The following DMD variants were observed in gnomAD, a reference collection of about 807,000 sequenced individuals.
The protein encoded by DMD is dystrophin.
DMD carries 63 observed loss-of-function variants against 330.1 expected under a neutral mutation model. That is an observed-to-expected ratio of 0.19 (90% CI 0.16 to 0.24). The LOEUF (loss-of-function observed/expected upper bound fraction) is 0.24, where lower values mean the gene tolerates loss of function less well. Ranked by LOEUF, DMD falls within the 10% of genes least tolerant of loss-of-function variation. DMD has a pLI of 1.00. For synonymous variants in DMD, 1,223 were observed against 959.8 expected (o/e 1.27, Z -5.07); for missense variants, 3,344 against 2,684.1 (o/e 1.25, Z -5.43).
intron 41 of DMD, among the ~76,000 whole-genome samples, chrX:32,340,390 A>C (rs1018284393): frequency 1.8e-5 from 2 of 111,769 alleles, no homozygotes; most frequent in Admixed American, 1.9e-4. Context: ...TTTTTTAAAA[A>C]TATATACTGG....
At chrX:31,323,535 C>T (rs1310754716) in intron 62 of DMD, 63 bp downstream of exon 62, 8 of 968,914 alleles carry the variant, frequency 8.3e-6, no homozygotes, top group African/African-American at 1.9e-5. Flanking sequence ...AATAAACTCA[C>T]TTGTGAATAT....
At chrX:31,928,815 T>C (rs2094816067) in intron 47 of DMD, among the ~76,000 whole-genome samples, 1 of 111,756 alleles carries the variant, frequency 8.9e-6, no homozygotes, top group Non-Finnish European at 1.9e-5. Context: ...GGTAGGATTG[T>C]TTTAAAAAAA....
intron 44 of DMD, among the ~76,000 whole-genome samples, chrX:32,107,370 GTGTC>G (rs1396790263): frequency 0.019 from 1,731 of 90,946 alleles, 37 homozygotes; most frequent in African/African-American, 0.074. Context: ...GTGTGTGTGT[GTGTC>G]TCTGTGTGTG....
chrX:31,509,069 A>G (rs999063574), intron 55 of DMD, among the ~76,000 whole-genome samples: 1 of 111,246 alleles, frequency 9.0e-6, no homozygotes, highest in Non-Finnish European at 1.9e-5. Flanking sequence ...GAATCACATC[A>G]GAAGTTGAAA....
Position 32,731,153 on chromosome X carries a change from C to A in DMD, c.650-31860G>T, listed in dbSNP as rs371333299. 8.0e-5 allele frequency among the ~76,000 whole-genome samples: 9 copies of A among 112,219 alleles called. No individual in the cohort carries two copies. The East Asian group carries it at 2.6e-3, about 32-fold the overall frequency. ...CCTAGTCAAAGAAAGGGGTGACGGA[C>A]AGCACCTGGAAAATCGGGTCACACC... On this transcript the variant is annotated intron_variant, in intron 7 of 78. Coordinates refer to ENST00000357033, the MANE Select transcript of DMD (RefSeq NM_004006.3).
At chrX:32,595,996 T>TA in intron 12 of DMD, 120 bp from the exon 13 acceptor site, 1 of 668,439 alleles carries the variant, frequency 1.5e-6, no homozygotes, top group Non-Finnish European at 2.3e-6. Context: ...CATTTTTTAT[T>TA]AACCTAAAAC....
At chrX:31,732,383 A>G (rs1302373397) in intron 51 of DMD, among the ~76,000 whole-genome samples, 1 of 111,355 alleles carries the variant, frequency 9.0e-6, no homozygotes, top group Non-Finnish European at 1.9e-5. Flanking sequence ...CTAGAAATAA[A>G]GAGAGGGATT....
At chrX:31,407,603 C>G (rs1163636263) in intron 60 of DMD, among the ~76,000 whole-genome samples, 1 of 106,879 alleles carries the variant, frequency 9.4e-6, no homozygotes, top group African/African-American at 3.4e-5. Flanking sequence ...TCCCGAGTAG[C>G]TGGGACTACA....
intron 1 of DMD, among the ~76,000 whole-genome samples, chrX:33,073,772 C>T (rs1482957678): frequency 9.1e-6 from 1 of 109,494 alleles, no homozygotes; most frequent in African/African-American, 3.3e-5. Flanking sequence ...GCGGAGGTTG[C>T]AGTGAGCCGA....
At chrX:32,042,200 C>CACACACACAT (rs2096015796) in intron 44 of DMD, among the ~76,000 whole-genome samples, 2 of 103,406 alleles carry the variant, frequency 1.9e-5, no homozygotes, top group African/African-American at 7.1e-5. Flanking sequence ...TACACACACA[C>CACACACACAT]ACACATACAC....
At chrX:31,638,150 A>G (rs1407471126) in intron 54 of DMD, among the ~76,000 whole-genome samples, 2 of 112,058 alleles carry the variant, frequency 1.8e-5, no homozygotes, top group Non-Finnish European at 3.8e-5. Flanking sequence ...AAAGAAATAG[A>G]CAGCATACAA....
rs370830662 is a variant in DMD, at chrX:32,415,403, T to C, written c.4072-3490A>G. Among the ~76,000 whole-genome samples the C allele has an allele frequency of 1.4e-3, 157 of 111,736 alleles. 1 individual carries two copies. Among genetic ancestry groups the C allele is most frequent in the East Asian group, 7.9e-3 (28 of 3,542 alleles). On this transcript the variant is annotated intron_variant, in intron 29 of 78. Transcript: ENST00000357033. ...ACAGATTCCTTGATTATCTCAGTCA[T>C]TGAAAAGACCTCATGTCAATGCAAG...
intron 44 of DMD, among the ~76,000 whole-genome samples, chrX:31,992,059 A>T (rs112514585): frequency 0.045 from 5,035 of 111,611 alleles, 296 homozygotes; most frequent in African/African-American, 0.15. Flanking sequence ...GGAGAGTGAG[A>T]ACAGCAGGGG....
intron 59 of DMD, among the ~76,000 whole-genome samples, chrX:31,472,084 C>G (rs1482807918): frequency 8.9e-6 from 1 of 112,411 alleles, no homozygotes; most frequent in Non-Finnish European, 1.9e-5. Flanking sequence ...ATTTTTACAA[C>G]AACAACAATG....
intron 18 of DMD, among the ~76,000 whole-genome samples, chrX:32,504,517 C>T (rs1031963128): frequency 3.1e-4 from 34 of 109,885 alleles, no homozygotes; most frequent in Non-Finnish European, 3.4e-4. Context: ...ATCCCAGCTA[C>T]TCTGGAGGCT....
chrX:33,058,323 G>A (rs1318570698), intron 1 of DMD, among the ~76,000 whole-genome samples: 1 of 110,928 alleles, frequency 9.0e-6, no homozygotes, highest in Non-Finnish European at 1.9e-5. Flanking sequence ...GTCTGACTCT[G>A]TCCCAGGCAG....
chrX:32,587,846 A>AT (rs1446211953), intron 13 of DMD, among the ~76,000 whole-genome samples: 2 of 111,737 alleles, frequency 1.8e-5, no homozygotes, highest in Non-Finnish European at 3.8e-5. Flanking sequence ...TATTTCAGTG[A>AT]TTTTTAAATG....
At chrX:31,502,717 C>T (rs1286239000) in intron 56 of DMD, among the ~76,000 whole-genome samples, 1 of 111,223 alleles carries the variant, frequency 9.0e-6, no homozygotes, top group Non-Finnish European at 1.9e-5. Context: ...ATACAATGAT[C>T]TGGAAAAATA....
At chrX:32,632,264 T>A (rs12009624) in intron 11 of DMD, among the ~76,000 whole-genome samples, 1 of 111,337 alleles carries the variant, frequency 9.0e-6, no homozygotes, top group African/African-American at 3.3e-5. Flanking sequence ...GGGAGTGGTG[T>A]GCTCCCAAGG....
Sources: gnomAD v4.1 joint callset for allele counts (sites outside exome capture counted in the v4.1 genomes callset) on GRCh38, gnomAD v4.1.1 for gene constraint, MANE v1.5 for transcripts, NCBI Gene and HGNC (gene_info 2026-07-23, HGNC 2026-07-21) for gene names.